Variants in C13orf46 observed in about 807,000 individuals in gnomAD.
The protein encoded by C13orf46 is uncharacterized protein C13orf46.
chr13:113,942,152 T>G, the C13orf46 span, among the ~76,000 whole-genome samples: 1 of 152,194 alleles, frequency 6.6e-6, no homozygotes, highest in South Asian at 2.1e-4. Flanking sequence ...CAGAATCCAC[T>G]ACTGTGGTCA....
chr13:113,942,255 G>A, the C13orf46 span, among the ~76,000 whole-genome samples: 1 of 152,242 alleles, frequency 6.6e-6, no homozygotes, highest in Non-Finnish European at 1.5e-5. Flanking sequence ...CAGCCCGGGA[G>A]GAGGGACCCA....
chr13:113,934,088 G>A, the C13orf46 span, among the ~76,000 whole-genome samples: 2 of 152,136 alleles, frequency 1.3e-5, no homozygotes, highest in African/African-American at 2.4e-5. Context: ...CACAGCACCC[G>A]CCGGCGTCAC....
At chr13:113,942,139 C>G in the C13orf46 span, among the ~76,000 whole-genome samples, 2,314 of 152,350 alleles carry the variant, frequency 0.015, 57 homozygotes, top group African/African-American at 0.05. Flanking sequence ...TGATTGCAAA[C>G]CACAGAATCC....
the C13orf46 span, among the ~76,000 whole-genome samples, chr13:113,948,643 A>G: frequency 1.3e-5 from 2 of 152,110 alleles, no homozygotes; most frequent in Non-Finnish European, 2.9e-5. Context: ...GGAGCGCTGA[A>G]CCTCACGCTG....
the C13orf46 span, among the ~76,000 whole-genome samples, chr13:113,945,401 C>T: frequency 6.6e-6 from 1 of 151,788 alleles, no homozygotes; most frequent in Non-Finnish European, 1.5e-5. Flanking sequence ...AAAAACTAGT[C>T]AGGTGTGATG....
At chr13:113,937,178 T>C in the C13orf46 span, among the ~76,000 whole-genome samples, 1 of 152,188 alleles carries the variant, frequency 6.6e-6, no homozygotes, top group Non-Finnish European at 1.5e-5. Flanking sequence ...TTCACTGCCA[T>C]AATTTTTCCA....
chr13:113,970,554 CCT>C (rs1329904999), intron 1 of C13orf46: 1 of 152,250 alleles, frequency 6.6e-6, no homozygotes, highest in Non-Finnish European at 1.5e-5. Context: ...TCTTGAAACT[CCT>C]CTTTGTCCTA....
rs2052508066 is a variant in C13orf46 at position 113,954,833 on chromosome 13, AGGAGCATCCGGTGGAGATGAGGAGC to A, written c.*1915_*1939del. ...AGACGAGGAGCATCCGGTGGAGATG[AGGAGCATCCGGTGGAGATGAGGAGC>A]ATCTCGTGGGGAGGAGGAGCATCTG... is the stretch of plus-strand genomic sequence containing the variant. On this transcript the variant is annotated 3_prime_UTR_variant, in exon 7 of 7. Coordinates refer to ENST00000636427, the MANE Select transcript of C13orf46 (RefSeq NM_001365455.2). The A allele has an allele frequency of 2.0e-5, 2 of 99,492 alleles. No homozygotes were observed. Among genetic ancestry groups the A allele is most frequent in the African/African-American group, 6.4e-5 (2 of 31,084 alleles). The allele number at this position is 99,492 out of a possible 1,614,324, so 6.2% of individuals were successfully genotyped here. A position where few individuals can be genotyped will look rare whatever the true frequency, so the allele number is the denominator to read the frequency against.
At chr13:113,931,127 C>T in the C13orf46 span, among the ~76,000 whole-genome samples, 1 of 152,238 alleles carries the variant, frequency 6.6e-6, no homozygotes, top group African/African-American at 2.4e-5. Context: ...TCCCCACCAC[C>T]CAGGCCGAGA....
intron 2 of C13orf46, among the ~76,000 whole-genome samples, chr13:113,969,503 G>A (rs1373122714): frequency 1.3e-5 from 2 of 152,226 alleles, no homozygotes; most frequent in Non-Finnish European, 2.9e-5. Context: ...ACCTTTGGCC[G>A]CTTCGGCGGC....
At chr13:113,946,353 C>CTTT in the C13orf46 span, among the ~76,000 whole-genome samples, 1 of 152,194 alleles carries the variant, frequency 6.6e-6, no homozygotes, top group Non-Finnish European at 1.5e-5. Flanking sequence ...TTTCCCAGGA[C>CTTT]CCTCGGGGGG....
chr13:113,939,889 A>G, the C13orf46 span, among the ~76,000 whole-genome samples: 4 of 152,226 alleles, frequency 2.6e-5, no homozygotes, highest in African/African-American at 9.6e-5. Context: ...TCAGCGTGAA[A>G]AACACTGGCC....
chr13:113,934,164 C>T, the C13orf46 span, among the ~76,000 whole-genome samples: 1 of 152,212 alleles, frequency 6.6e-6, no homozygotes. Flanking sequence ...AGTTTTCTCC[C>T]AGAGTCTGTT....
downstream of C13orf46, among the ~76,000 whole-genome samples, chr13:113,951,246 G>C (rs933341490): frequency 1.4e-4 from 22 of 152,278 alleles, 1 homozygote; most frequent in East Asian, 4.1e-3. Flanking sequence ...GGTGTCTGTG[G>C]TTTCCAGGAC....
the C13orf46 span, among the ~76,000 whole-genome samples, chr13:113,942,313 T>G: frequency 3.7e-4 from 57 of 152,180 alleles, no homozygotes; most frequent in African/African-American, 1.0e-3. Context: ...CCTGAGGAAA[T>G]GGGGAAACAG....
Position 113,954,811 on chromosome 13 carries a change from C to T in C13orf46, c.*1962G>A, listed in dbSNP as rs1029039721. On this transcript the variant is annotated 3_prime_UTR_variant, in exon 7 of 7. Coordinates refer to ENST00000636427, the MANE Select transcript of C13orf46 (RefSeq NM_001365455.2). ...GGAGACGAGGAGCAGCTGGTGGAGA[C>T]GAGGAGCATCCGGTGGAGATGAGGA... The T allele has an allele frequency of 3.5e-4, 68 of 192,108 alleles. No homozygotes were observed. The highest frequency in any genetic ancestry group is 6.4e-4 in the Non-Finnish European group (61 of 94,644). 11.9% of individuals were successfully genotyped at this position (192,108 alleles called of 1,614,324 possible).
At chr13:113,946,694 G>T in the C13orf46 span, among the ~76,000 whole-genome samples, 5 of 152,242 alleles carry the variant, frequency 3.3e-5, no homozygotes, top group East Asian at 7.7e-4. Flanking sequence ...GCATCGTCAG[G>T]CCACGCTGGC....
chr13:113,971,478 A>G (rs1473547954), intron 1 of C13orf46, among the ~76,000 whole-genome samples: 1 of 152,226 alleles, frequency 6.6e-6, no homozygotes, highest in Non-Finnish European at 1.5e-5. Flanking sequence ...ACAGGCGTCC[A>G]GGGTGCATGT....
intron 6 of C13orf46, among the ~76,000 whole-genome samples, chr13:113,959,071 G>A (rs1381044461): frequency 6.6e-6 from 1 of 152,176 alleles, no homozygotes; most frequent in African/African-American, 2.4e-5. Flanking sequence ...GAGCTCAGGA[G>A]TTAAAGACCA....
Sources: allele counts gnomAD v4.1 joint callset (sites outside exome capture counted in the v4.1 genomes callset), GRCh38; gene constraint gnomAD v4.1.1; transcripts MANE v1.5; gene names NCBI Gene and HGNC (gene_info 2026-07-23, HGNC 2026-07-21).